The following NEDD4L variants were observed in gnomAD, a reference collection of about 807,000 sequenced individuals.
NEDD4L encodes the protein E3 ubiquitin-protein ligase NEDD4-like.
Under a neutral mutation model 148.9 loss-of-function variants are expected in NEDD4L, and 54 were observed. The observed-to-expected ratio is 0.36, with a 90% CI of 0.29 to 0.45. NEDD4L has a LOEUF of 0.45. NEDD4L is among the 20% of genes least tolerant of loss of function. NEDD4L has a pLI of 1.00. For synonymous variants in NEDD4L, 433 were observed against 440.7 expected, an observed-to-expected ratio of 0.98 and a Z score of 0.22; for missense variants, 856 against 1,233.8, an observed-to-expected ratio of 0.69 and a Z score of 4.59.
chr18:58,357,383 T>G (rs1002513066), intron 19 of NEDD4L, 131 bp downstream of exon 19: 4 of 855,714 alleles, frequency 4.7e-6, no homozygotes, highest in Non-Finnish European at 8.1e-6. Flanking sequence ...AACAGAGCAC[T>G]TTGCTGCCAT....
chr18:58,118,772 A>G (rs891897207), intron 1 of NEDD4L, among the ~76,000 whole-genome samples: 3 of 152,174 alleles, frequency 2.0e-5, no homozygotes, highest in Admixed American at 6.5e-5. Flanking sequence ...GGAAGGACAC[A>G]CTTTCTCCCA....
At position 58,372,736 on chromosome 18, in the gene NEDD4L, G is replaced by A. The variant is rs573234577; in HGVS notation, c.2257-438G>A. The stretch of plus-strand genomic sequence containing the variant: ...CTACTCAGGAGGCTGAGGCGGGAGA[G>A]TCACTAGAACCCGGGAGGCAAAGAT... On this transcript the variant is annotated intron_variant, in intron 23 of 30. Transcript: ENST00000400345. 1.4e-4 allele frequency: 21 copies of A among 154,928 alleles called. 1 individual carries two copies. In the South Asian group the frequency reaches 4.1e-3, roughly 31 times the overall value. The allele number at this position is 154,928 out of a possible 1,614,324, so 9.6% of individuals were successfully genotyped here. A position where few individuals can be genotyped will look rare whatever the true frequency, so the allele number is the denominator to read the frequency against.
intron 30 of NEDD4L, among the ~76,000 whole-genome samples, chr18:58,394,907 G>T (rs1269874140): frequency 6.6e-6 from 1 of 152,162 alleles, no homozygotes; most frequent in East Asian, 1.9e-4. Context: ...ACCTGGAGGG[G>T]GCGGTTTTAA....
chr18:58,213,444 T>C (rs1335549782), intron 2 of NEDD4L, among the ~76,000 whole-genome samples: 1 of 152,194 alleles, frequency 6.6e-6, no homozygotes, highest in African/African-American at 2.4e-5. Flanking sequence ...ACTTGATGAA[T>C]GAGAAGCAAT....
intron 25 of NEDD4L, among the ~76,000 whole-genome samples, chr18:58,383,938 G>A (rs575641344): frequency 6.6e-6 from 1 of 152,298 alleles, no homozygotes; most frequent in South Asian, 2.1e-4. Flanking sequence ...CTTTTTTAGT[G>A]TATATGTGTG....
chr18:58,154,558 G>T (rs1297556862), intron 1 of NEDD4L, among the ~76,000 whole-genome samples: 1 of 152,126 alleles, frequency 6.6e-6, no homozygotes, highest in African/African-American at 2.4e-5. Flanking sequence ...GGCCAAGGTG[G>T]GTGGATTGCC....
intron 1 of NEDD4L, chr18:58,044,938 G>GAGCTGGGGGTTCACTCCGCAGCTCCTC: frequency 2.1e-6 from 1 of 468,568 alleles, no homozygotes; most frequent in East Asian, 3.5e-5. Context: ...GACGCCCTTG[G>GAGCTGGGGGTTCACTCCGCAGCTCCTC]AGCTGGGGGT....
At chr18:58,139,062 A>G (rs1046076141) in intron 1 of NEDD4L, among the ~76,000 whole-genome samples, 3 of 152,172 alleles carry the variant, frequency 2.0e-5, no homozygotes, top group Non-Finnish European at 2.9e-5. Context: ...CCTTGCCTTT[A>G]TTTTACCTGA....
Position 58,308,228 on chromosome 18 carries a change from A to G in NEDD4L, c.298-7754A>G, listed in dbSNP as rs557443430. Among the ~76,000 whole-genome samples the G allele has an allele frequency of 2.6e-5, 4 of 152,340 alleles. No homozygotes were observed. In the South Asian group the frequency reaches 6.2e-4, roughly 24 times the overall value. ...ATGTTTGCCTTATTTTTAGCATGTT[A>G]TATTCATTAAAATGTTTTAGTTTAT... On this transcript the variant is annotated intron_variant, in intron 5 of 30. Transcript: ENST00000400345.
intron 1 of NEDD4L, among the ~76,000 whole-genome samples, chr18:58,065,442 T>C (rs770904575): frequency 3.3e-5 from 5 of 152,264 alleles, no homozygotes; most frequent in Admixed American, 6.5e-5. Context: ...GTTGCATTAC[T>C]TTCCTGTCTA....
chr18:58,062,284 C>A (rs2082368241), intron 1 of NEDD4L, among the ~76,000 whole-genome samples: 1 of 151,992 alleles, frequency 6.6e-6, no homozygotes, highest in South Asian at 2.1e-4. Flanking sequence ...TGTACTTCAC[C>A]TGTGGAGTCT....
At chr18:58,324,944 C>T (rs2059180121) in intron 8 of NEDD4L, 52 bp from the exon 9 acceptor site, 2 of 1,539,862 alleles carry the variant, frequency 1.3e-6, no homozygotes, top group Admixed American at 3.4e-5. Flanking sequence ...TGACCTCTTA[C>T]TCACAGCCGA....
rs560331664 is a variant in NEDD4L, at chr18:58,102,492, C to T, written c.48+57784C>T. On this transcript the variant is annotated intron_variant, in intron 1 of 30. Coordinates refer to ENST00000400345, the MANE Select transcript of NEDD4L (RefSeq NM_001144967.3). Reference sequence around the variant, plus strand: ...TTTCAGTGAATTCTCTCTCAGGGCCCACTCACAGAACCAATTTTGACATCA... The same window carrying T: ...TTTCAGTGAATTCTCTCTCAGGGCCTACTCACAGAACCAATTTTGACATCA... Among the ~76,000 whole-genome samples, 5 of 152,264 alleles carry T rather than the reference C, an allele frequency of 3.3e-5. No individual in the cohort carries two copies. The South Asian group carries it at 1.0e-3, about 32-fold the overall frequency.
chr18:58,159,720 G>A (rs573880), intron 1 of NEDD4L, among the ~76,000 whole-genome samples: 4 of 152,150 alleles, frequency 2.6e-5, no homozygotes, highest in African/African-American at 4.8e-5. Context: ...TAATGTATAC[G>A]TAACTTACAT....
chr18:58,259,984 T>C (rs1239377695), intron 5 of NEDD4L, among the ~76,000 whole-genome samples: 2 of 152,206 alleles, frequency 1.3e-5, no homozygotes, highest in Non-Finnish European at 2.9e-5. Context: ...TTTTTGACAT[T>C]AATATTAGTC....
At chr18:58,346,118 G>A (rs1003732437) in intron 16 of NEDD4L, among the ~76,000 whole-genome samples, 1 of 152,168 alleles carries the variant, frequency 6.6e-6, no homozygotes, top group African/African-American at 2.4e-5. Context: ...CCTGGGTCAG[G>A]CCTTTCAGGG....
At chr18:58,195,606 G>A in intron 2 of NEDD4L, 1 of 1,345,278 alleles carries the variant, frequency 7.4e-7, no homozygotes, top group Non-Finnish European at 9.8e-7. Flanking sequence ...TACCTGGCCG[G>A]GAGCTGGCGG....
intron 24 of NEDD4L, 58 bp from the exon 25 acceptor site, chr18:58,383,188 T>A: frequency 1.1e-6 from 1 of 883,714 alleles, no homozygotes; most frequent in Non-Finnish European, 1.8e-6. Flanking sequence ...TGTCACTCAA[T>A]AATAATATGC....
chr18:58,242,421 A>G (rs2046741934), intron 2 of NEDD4L, among the ~76,000 whole-genome samples: 1 of 152,176 alleles, frequency 6.6e-6, no homozygotes, highest in East Asian at 1.9e-4. Flanking sequence ...AGAGTGGTTA[A>G]GTACCAGCTG....
Sources: gnomAD v4.1 joint callset for allele counts (sites outside exome capture counted in the v4.1 genomes callset) on GRCh38, gnomAD v4.1.1 for gene constraint, MANE v1.5 for transcripts, NCBI Gene and HGNC (gene_info 2026-07-23, HGNC 2026-07-21) for gene names.